The following ACSM1 variants were observed in gnomAD, a reference collection of about 807,000 sequenced individuals.
The protein encoded by ACSM1 is acyl-coenzyme A synthetase ACSM1, mitochondrial.
ACSM1 carries 79 observed loss-of-function variants against 75.8 expected under a neutral mutation model. That is an observed-to-expected ratio of 1.04 (90% CI 0.87 to 1.26). The LOEUF is 1.26. Among genes scored for constraint, ACSM1 ranks in the 50% most tolerant of loss-of-function variants. The pLI, the probability that ACSM1 is intolerant of heterozygous loss-of-function variation, is 0.00. For synonymous variants in ACSM1, 279 were observed against 265.8 expected, an observed-to-expected ratio of 1.05 and a Z score of -0.48; for missense variants, 676 against 720.1, an observed-to-expected ratio of 0.94 and a Z score of 0.70.
intron 10 of ACSM1, among the ~76,000 whole-genome samples, chr16:20,628,246 T>TATCTACAAGTACAGTACA (rs2017114325): frequency 2.6e-5 from 4 of 152,140 alleles, no homozygotes; most frequent in African/African-American, 9.7e-5. Context: ...ATCAGTATCT[T>TATCTACAAGTACAGTACA]AGGCAGAATA....
intron 1 of ACSM1, among the ~76,000 whole-genome samples, chr16:20,693,411 T>C (rs746323759): frequency 6.6e-6 from 1 of 152,142 alleles, no homozygotes; most frequent in Non-Finnish European, 1.5e-5. Context: ...TTGGAAAAAA[T>C]GGCTTAAGCT....
chr16:20,685,027 A>T (rs572715664), intron 3 of ACSM1, among the ~76,000 whole-genome samples, 166 bp downstream of exon 3: 12 of 152,356 alleles, frequency 7.9e-5, no homozygotes, highest in African/African-American at 2.6e-4. Flanking sequence ...TAAACTGATA[A>T]TTCCCACAGG....
intron 1 of ACSM1, among the ~76,000 whole-genome samples, chr16:20,693,897 G>T (rs191685930): frequency 1.3e-5 from 2 of 152,148 alleles, no homozygotes; most frequent in Non-Finnish European, 2.9e-5. Context: ...ATCTAATTAG[G>T]AATAAATAGT....
intron 10 of ACSM1, among the ~76,000 whole-genome samples, chr16:20,634,550 G>C (rs1467877885): frequency 6.6e-6 from 1 of 152,214 alleles, no homozygotes; most frequent in Non-Finnish European, 1.5e-5. Context: ...CTAAGACATA[G>C]ATGAACCTTG....
chr16:20,682,462 C>A lies in ACSM1; in HGVS notation c.405G>T (p.Gly135=), dbSNP rs1210320009. Residue 135 remains glycine (G), a splice_region_variant and synonymous_variant, in exon 4 of 14, where the codon GGG becomes GGT. Transcript: ENST00000520010. ...GGATGGTCGCAGGAATGAAGATGAT[C>A]CCTGGGGATGAGAAAGGAACTGATT... is the stretch of plus-strand genomic sequence containing the variant. ...WLVAVGCMRT[G]IIFIPATILL... is the part of the protein sequence containing the mutation. 1.2e-6 allele frequency: 2 copies of A among 1,612,784 alleles called. No individual in the cohort carries two copies. The highest frequency in any genetic ancestry group is 1.7e-5 in the Admixed American group (1 of 59,998).
At chr16:20,625,224 G>C (rs1262562417) in intron 12 of ACSM1, among the ~76,000 whole-genome samples, 199 bp downstream of exon 12, 1 of 152,168 alleles carries the variant, frequency 6.6e-6, no homozygotes, top group Non-Finnish European at 1.5e-5. Context: ...GCATATATAA[G>C]TGCTCATTAC....
intron 4 of ACSM1, among the ~76,000 whole-genome samples, chr16:20,672,053 G>T (rs1466108380): frequency 6.6e-6 from 1 of 151,968 alleles, no homozygotes; most frequent in Non-Finnish European, 1.5e-5. Flanking sequence ...GCAACCCTAG[G>T]AGATGAGTAC....
At chr16:20,631,813 T>C (rs967788269) in intron 10 of ACSM1, among the ~76,000 whole-genome samples, 3 of 152,128 alleles carry the variant, frequency 2.0e-5, no homozygotes, top group African/African-American at 7.2e-5. Flanking sequence ...GGAGCTAAGC[T>C]ATGAAGGCAC....
chr16:20,677,216 T>A (rs551315993), intron 4 of ACSM1, among the ~76,000 whole-genome samples: 2 of 140,446 alleles, frequency 1.4e-5, no homozygotes, highest in East Asian at 2.7e-4. Context: ...GAGAAGACTT[T>A]TAAAGAAATT....
chr16:20,681,898 C>T (rs1331329466), intron 4 of ACSM1: 1 of 173,658 alleles, frequency 5.8e-6, no homozygotes, highest in Non-Finnish European at 1.2e-5. Flanking sequence ...ATTGTGAAGA[C>T]CCTGTTTCTC....
chr16:20,655,069 T>TA (rs1439984803), intron 7 of ACSM1, among the ~76,000 whole-genome samples: 4 of 151,870 alleles, frequency 2.6e-5, no homozygotes, highest in Non-Finnish European at 5.9e-5. Context: ...TATGCAGCCA[T>TA]AAAAAATGAT....
intron 7 of ACSM1, among the ~76,000 whole-genome samples, chr16:20,652,031 G>A (rs1320896620): frequency 6.6e-6 from 1 of 152,104 alleles, no homozygotes; most frequent in Non-Finnish European, 1.5e-5. Flanking sequence ...AATGAAAACA[G>A]CTAAATACTG....
intron 10 of ACSM1, among the ~76,000 whole-genome samples, chr16:20,632,160 A>G (rs971055472): frequency 1.3e-5 from 2 of 152,172 alleles, no homozygotes; most frequent in African/African-American, 4.8e-5. Context: ...CAAGCCGAAA[A>G]CCTTACACTT....
At chr16:20,662,413 G>T (rs556273048) in intron 6 of ACSM1, among the ~76,000 whole-genome samples, 5 of 152,276 alleles carry the variant, frequency 3.3e-5, no homozygotes, top group African/African-American at 1.2e-4. Context: ...AGAGGAGCAA[G>T]AATTAAATTT....
intron 2 of ACSM1, among the ~76,000 whole-genome samples, chr16:20,687,196 A>C (rs1467634096): frequency 6.6e-6 from 1 of 152,082 alleles, no homozygotes; most frequent in African/African-American, 2.4e-5. Context: ...CATAATTTGA[A>C]TATGATGTTG....
At chr16:20,658,463 T>C (rs1029779773) in intron 7 of ACSM1, among the ~76,000 whole-genome samples, 6 of 152,214 alleles carry the variant, frequency 3.9e-5, no homozygotes, top group Non-Finnish European at 8.8e-5. Flanking sequence ...TTGTTCTTTT[T>C]TTTTTGACTT....
At chr16:20,665,944 A>G (rs1476004685) in intron 6 of ACSM1, among the ~76,000 whole-genome samples, 1 of 152,156 alleles carries the variant, frequency 6.6e-6, no homozygotes, top group Non-Finnish European at 1.5e-5. Flanking sequence ...TCTCTTCATG[A>G]TAAAGCCCCT....
intron 12 of ACSM1, 107 bp from the exon 13 acceptor site, chr16:20,624,322 A>G: frequency 1.5e-6 from 2 of 1,329,400 alleles, no homozygotes; most frequent in South Asian, 3.1e-5. Flanking sequence ...TGAACCCTAC[A>G]GTGTTTTGGA....
chr16:20,681,490 GT>G (rs2079445058), intron 4 of ACSM1: 1 of 152,148 alleles, frequency 6.6e-6, no homozygotes, highest in East Asian at 1.9e-4. Context: ...TCACTGGTGG[GT>G]TTTTGTTTAT....
Sources: gnomAD v4.1 joint callset for allele counts (sites outside exome capture counted in the v4.1 genomes callset) on GRCh38, gnomAD v4.1.1 for gene constraint, MANE v1.5 for transcripts, NCBI Gene and HGNC (gene_info 2026-07-23, HGNC 2026-07-21) for gene names.